Variants in SWT1 observed in about 807,000 individuals in gnomAD.
SWT1 encodes SWT1 RNA endoribonuclease homolog.
Under a neutral mutation model 107.3 loss-of-function variants are expected in SWT1, and 33 were observed. The observed-to-expected ratio is 0.31, with a 90% CI of 0.23 to 0.41. The LOEUF (loss-of-function observed/expected upper bound fraction) is 0.41. SWT1 is among the 10% of genes least tolerant of loss of function. The pLI, the probability that SWT1 is intolerant of heterozygous loss-of-function variation, is 1.00. For synonymous variants in SWT1, 345 were observed against 348.3 expected, an observed-to-expected ratio of 0.99 and a Z score of 0.11; for missense variants, 898 against 1,028.9, an observed-to-expected ratio of 0.87 and a Z score of 1.74.
intron 16 of SWT1, chr1:185,264,393 C>G (rs1663236910): frequency 1.0e-6 from 1 of 985,050 alleles, no homozygotes; most frequent in Non-Finnish European, 1.2e-6. Context: ...GAGAAGAGAA[C>G]AAGTCCCCAA....
intron 15 of SWT1, among the ~76,000 whole-genome samples, chr1:185,224,114 T>C (rs1349002011): frequency 6.6e-6 from 1 of 152,230 alleles, no homozygotes; most frequent in African/African-American, 2.4e-5. Flanking sequence ...TAATACCTTG[T>C]GAGATGTATA....
chr1:185,276,745 G>A, intron 18 of SWT1, 77 bp downstream of exon 18: 1 of 682,264 alleles, frequency 1.5e-6, no homozygotes, highest in African/African-American at 1.8e-5. Flanking sequence ...TGGTGGTGGT[G>A]GTGGTGATGT....
chr1:185,290,382 G>C (rs1486982024), intron 18 of SWT1, among the ~76,000 whole-genome samples: 3 of 152,142 alleles, frequency 2.0e-5, no homozygotes, highest in African/African-American at 7.2e-5. Flanking sequence ...TTCGAGGCCA[G>C]CCTGGGCAAG....
chr1:185,170,532 G>C (rs1654957596), intron 4 of SWT1, among the ~76,000 whole-genome samples: 1 of 152,142 alleles, frequency 6.6e-6, no homozygotes, highest in Admixed American at 6.5e-5. Flanking sequence ...AGAGCCTCCA[G>C]AGCTCTCGGC....
chr1:185,201,938 G>C (rs1445627370), intron 10 of SWT1, among the ~76,000 whole-genome samples: 2 of 151,504 alleles, frequency 1.3e-5, no homozygotes, highest in Non-Finnish European at 2.9e-5. Flanking sequence ...CCTTCAAATA[G>C]TTAATATATT....
At chr1:185,161,069 T>G in intron 2 of SWT1, 144 bp downstream of exon 2, 1 of 629,892 alleles carries the variant, frequency 1.6e-6, no homozygotes, top group Non-Finnish European at 2.7e-6. Context: ...CTTTTCCGGT[T>G]TTTTACTTGC....
chr1:185,232,253 A>C (rs1660557793), intron 16 of SWT1, among the ~76,000 whole-genome samples: 1 of 152,186 alleles, frequency 6.6e-6, no homozygotes, highest in Non-Finnish European at 1.5e-5. Context: ...CTCTAAATGC[A>C]AATAGTCCCT....
At chr1:185,158,723 C>G (rs778597056) in intron 1 of SWT1, among the ~76,000 whole-genome samples, 38 of 152,112 alleles carry the variant, frequency 2.5e-4, no homozygotes, top group Non-Finnish European at 5.1e-4. Context: ...AAGGAATCGT[C>G]AATGTTTGAA....
At position 185,290,692 on chromosome 1, in the gene SWT1, A is replaced by T; in HGVS notation, c.2592A>T (p.Gly864=). The T allele has an allele frequency of 6.3e-7, 1 of 1,580,130 alleles. No individual in the cohort carries two copies. Among genetic ancestry groups the T allele is most frequent in the Non-Finnish European group, 8.6e-7 (1 of 1,160,466 alleles). ...CTCCTAGGGAAAAGTTAACCATTGGATGCCGCCAGCTGGTTGAGATGGAAT... is the reference window on the plus strand; with the variant it reads ...CTCCTAGGGAAAAGTTAACCATTGGTTGCCGCCAGCTGGTTGAGATGGAAT... ...QTEYREKLTI[G]CRQLVEMEYT... Residue 864 remains glycine (G), a synonymous_variant, in exon 19 of 19, where the codon GGA becomes GGT. Transcript: ENST00000367500.
At chr1:185,196,472 C>T (rs1023093032) in intron 10 of SWT1, among the ~76,000 whole-genome samples, 4 of 152,174 alleles carry the variant, frequency 2.6e-5, no homozygotes, top group Non-Finnish European at 5.9e-5. Context: ...TATACGGGCT[C>T]TTTCTTCTTT....
At chr1:185,229,794 T>A (rs1278582013) in intron 15 of SWT1, among the ~76,000 whole-genome samples, 2 of 152,162 alleles carry the variant, frequency 1.3e-5, no homozygotes, top group Non-Finnish European at 2.9e-5. Context: ...AAATTTTTTT[T>A]AAATGTAAAT....
intron 18 of SWT1, among the ~76,000 whole-genome samples, chr1:185,287,607 A>AG (rs1487125450): frequency 1.3e-5 from 2 of 152,196 alleles, no homozygotes; most frequent in African/African-American, 4.8e-5. Flanking sequence ...CATCACCAGG[A>AG]GGGAAAAGCT....
intron 18 of SWT1, among the ~76,000 whole-genome samples, chr1:185,282,064 G>A (rs543248580): frequency 2.6e-5 from 4 of 152,234 alleles, no homozygotes; most frequent in South Asian, 2.1e-4. Context: ...TTCAGATTGT[G>A]TGAGAAAAAT....
chr1:185,218,505 C>T (rs1207421173), intron 14 of SWT1, among the ~76,000 whole-genome samples: 2 of 152,088 alleles, frequency 1.3e-5, no homozygotes, highest in South Asian at 2.1e-4. Flanking sequence ...CAGACTAGGT[C>T]TCACTTTGTT....
At chr1:185,204,643 A>G in intron 11 of SWT1, 57 bp from the exon 12 acceptor site, 2 of 862,114 alleles carry the variant, frequency 2.3e-6, no homozygotes, top group Non-Finnish European at 3.5e-6. Context: ...TACTAATTAT[A>G]TGTATAATAA....
intron 4 of SWT1, among the ~76,000 whole-genome samples, chr1:185,172,074 AGACTC>A (rs1210977219): frequency 6.6e-6 from 1 of 152,224 alleles, no homozygotes; most frequent in East Asian, 1.9e-4. Flanking sequence ...TTAAGGGTAA[AGACTC>A]TATCTGCTGT....
intron 13 of SWT1, among the ~76,000 whole-genome samples, chr1:185,210,797 C>T (rs779364489): frequency 1.4e-4 from 22 of 152,102 alleles, no homozygotes; most frequent in Non-Finnish European, 2.8e-4. Context: ...TGGAAAACCC[C>T]ATCATCTCAT....
chr1:185,248,984 GT>G (rs961330882), intron 16 of SWT1, among the ~76,000 whole-genome samples: 1 of 152,078 alleles, frequency 6.6e-6, no homozygotes, highest in African/African-American at 2.4e-5. Flanking sequence ...CCAATTATTT[GT>G]TTTTTGTAAT....
At chr1:185,173,082 G>GTTA (rs1312035732) in intron 4 of SWT1, among the ~76,000 whole-genome samples, 1 of 148,712 alleles carries the variant, frequency 6.7e-6, no homozygotes, top group Non-Finnish European at 1.5e-5. Context: ...GTATGTTATT[G>GTTA]TTATTATTAG....
Sources: allele counts gnomAD v4.1 joint callset (sites outside exome capture counted in the v4.1 genomes callset), GRCh38; gene constraint gnomAD v4.1.1; transcripts MANE v1.5; gene names NCBI Gene and HGNC (gene_info 2026-07-23, HGNC 2026-07-21).